Variants in KCNH5 observed in about 807,000 individuals in gnomAD.
KCNH5 encodes the protein potassium voltage-gated channel subfamily H member 5, also known as voltage-gated delayed rectifier potassium channel KCNH5.
In KCNH5, 46 loss-of-function variants were observed where a neutral mutation model predicts 96.1. That is an observed-to-expected ratio of 0.48 (90% CI 0.38 to 0.61). The LOEUF is 0.61. KCNH5 is among the 20% of genes least tolerant of loss of function. KCNH5 has a pLI of 0.00. For missense variants in KCNH5, 907 were observed against 1,225.8 expected, an observed-to-expected ratio of 0.74 and a Z score of 3.88; for synonymous variants, 439 against 449.8, an observed-to-expected ratio of 0.98 and a Z score of 0.30.
chr14:62,992,868 C>A (rs1318067703), intron 4 of KCNH5, among the ~76,000 whole-genome samples: 1 of 151,944 alleles, frequency 6.6e-6, no homozygotes, highest in Admixed American at 6.6e-5. Context: ...CTTTTGAGGT[C>A]TTTGTCATGA....
chr14:62,984,460 T>C (rs749215600), intron 5 of KCNH5, among the ~76,000 whole-genome samples: 1 of 152,186 alleles, frequency 6.6e-6, no homozygotes, highest in South Asian at 2.1e-4. Context: ...TTTGAAAAAG[T>C]AAAAGCACCT....
rs552854333 is a variant in KCNH5 at position 62,753,109 on chromosome 14, T to G, written c.2019+26619A>C. On this transcript the variant is annotated intron_variant, in intron 10 of 10. Transcript: ENST00000322893. ...ACTCAAAGAAATTCAAGATAACACA[T>G]AGAAAGAATTCAGAATTCTATCAGA... is the stretch of plus-strand genomic sequence containing the variant. Among the ~76,000 whole-genome samples, 104 of 152,136 alleles carry G rather than the reference T, an allele frequency of 6.8e-4. No homozygotes were observed. The Middle Eastern group carries it at 0.01, about 15-fold the overall frequency.
intron 7 of KCNH5, among the ~76,000 whole-genome samples, chr14:62,873,385 G>C (rs1463972529): frequency 6.6e-6 from 1 of 152,120 alleles, no homozygotes; most frequent in East Asian, 1.9e-4. Context: ...GCTCTTGAGT[G>C]AAAGAAGTGA....
intron 3 of KCNH5, among the ~76,000 whole-genome samples, chr14:63,002,633 T>TA (rs1043869023): frequency 1.1e-4 from 17 of 152,048 alleles, no homozygotes; most frequent in African/African-American, 3.4e-4. Context: ...TCCCATGGCC[T>TA]AAAAAAATAA....
At chr14:62,807,685 GA>G in intron 8 of KCNH5, among the ~76,000 whole-genome samples, 1 of 151,536 alleles carries the variant, frequency 6.6e-6, no homozygotes, top group East Asian at 2.0e-4. Flanking sequence ...AGATTATAAA[GA>G]AAGAGATTTT....
intron 7 of KCNH5, among the ~76,000 whole-genome samples, chr14:62,851,842 G>A (rs980769610): frequency 2.0e-5 from 3 of 152,018 alleles, no homozygotes; most frequent in Non-Finnish European, 2.9e-5. Context: ...TTTGCCAAAT[G>A]TCTTATTACT....
chr14:62,878,993 T>C (rs113259743), intron 7 of KCNH5, among the ~76,000 whole-genome samples: 1 of 152,122 alleles, frequency 6.6e-6, no homozygotes, highest in South Asian at 2.1e-4. Flanking sequence ...CATTTTGAGG[T>C]ACTGGGAACT....
intron 7 of KCNH5, among the ~76,000 whole-genome samples, chr14:62,906,237 T>A (rs1889024693): frequency 1.3e-5 from 2 of 152,178 alleles, no homozygotes; most frequent in Non-Finnish European, 2.9e-5. Flanking sequence ...TTACAGTCTA[T>A]CTAAAGGGGA....
At chr14:62,918,726 G>C (rs903183224) in intron 7 of KCNH5, among the ~76,000 whole-genome samples, 2 of 151,936 alleles carry the variant, frequency 1.3e-5, no homozygotes, top group Non-Finnish European at 2.9e-5. Flanking sequence ...ATCACCATTT[G>C]CAAGGAATAA....
At chr14:63,021,663 C>A (rs1254120178) in intron 1 of KCNH5, among the ~76,000 whole-genome samples, 1 of 152,036 alleles carries the variant, frequency 6.6e-6, no homozygotes, top group African/African-American at 2.4e-5. Context: ...TCACTCAACT[C>A]ACTCCTATTT....
intron 2 of KCNH5, among the ~76,000 whole-genome samples, chr14:63,016,149 C>T (rs1249603226): frequency 2.6e-5 from 4 of 151,518 alleles, no homozygotes; most frequent in East Asian, 3.9e-4. Flanking sequence ...AATTAACTCA[C>T]GGAAAAAACA....
intron 8 of KCNH5, among the ~76,000 whole-genome samples, chr14:62,818,104 G>A (rs1161653141): frequency 2.8e-5 from 2 of 72,326 alleles, no homozygotes; most frequent in East Asian, 6.8e-4. Flanking sequence ...ACCAGGAGCT[G>A]GGGGCGGGGG....
chr14:62,865,261 G>A (rs915265659), intron 7 of KCNH5, among the ~76,000 whole-genome samples: 10 of 151,474 alleles, frequency 6.6e-5, no homozygotes, highest in South Asian at 4.2e-4. Context: ...ACTGTGTTCC[G>A]TGGGTCTTAA....
chr14:63,039,895 TG>T (rs1891790857), intron 1 of KCNH5, among the ~76,000 whole-genome samples: 2 of 147,688 alleles, frequency 1.4e-5, no homozygotes, highest in Admixed American at 1.4e-4. Flanking sequence ...GCAAGCAAGG[TG>T]GGGGAAGGGG....
intron 10 of KCNH5, among the ~76,000 whole-genome samples, chr14:62,761,681 T>C (rs1885754099): frequency 6.6e-6 from 1 of 152,202 alleles, no homozygotes; most frequent in Admixed American, 6.5e-5. Context: ...TTATATTATA[T>C]ATTCAACTGC....
chr14:62,837,059 C>T (rs1887479353), intron 8 of KCNH5, among the ~76,000 whole-genome samples: 1 of 152,126 alleles, frequency 6.6e-6, no homozygotes, highest in South Asian at 2.1e-4. Flanking sequence ...TACAGGAACT[C>T]AGGAATATAT....
At chr14:63,040,330 C>T (rs1298287677) in intron 1 of KCNH5, among the ~76,000 whole-genome samples, 6 of 152,078 alleles carry the variant, frequency 3.9e-5, no homozygotes, top group Admixed American at 3.9e-4. Context: ...ATAACAGTAT[C>T]TTAGAATAAG....
At chr14:62,968,169 G>T (rs553150479) in intron 6 of KCNH5, among the ~76,000 whole-genome samples, 1 of 152,270 alleles carries the variant, frequency 6.6e-6, no homozygotes, top group Admixed American at 6.5e-5. Context: ...ACCAGGAATA[G>T]AATTTAAAAG....
rs534212921 is a variant in KCNH5 at position 62,827,313 on chromosome 14, T to C, written c.1569+22340A>G. On this transcript the variant is annotated intron_variant, in intron 8 of 10. Coordinates refer to ENST00000322893, the MANE Select transcript of KCNH5 (RefSeq NM_139318.5). ...AAGTACGGTTTGTGAGCCAGGAGCA[T>C]TGGCATCACCTTGCCTTGGTGCTTG... 1.2e-4 allele frequency among the ~76,000 whole-genome samples: 19 copies of C among 152,310 alleles called. No homozygotes were observed. The South Asian group carries it at 3.9e-3, about 32-fold the overall frequency.
Sources: allele counts gnomAD v4.1 joint callset (sites outside exome capture counted in the v4.1 genomes callset), GRCh38; gene constraint gnomAD v4.1.1; transcripts MANE v1.5; gene names NCBI Gene and HGNC (gene_info 2026-07-23, HGNC 2026-07-21).